VSTM2A: variants seen among roughly 807,000 people sequenced by gnomAD.
The protein encoded by VSTM2A is V-set and transmembrane domain containing 2A.
In VSTM2A, 13 loss-of-function variants were observed where a neutral mutation model predicts 27.3. The ratio of observed to expected loss-of-function variants is 0.48; its 90% CI spans 0.31 to 0.76. The LOEUF (loss-of-function observed/expected upper bound fraction) is 0.76. Among genes scored for constraint, VSTM2A ranks in the 30% least tolerant of loss-of-function variants. The pLI is 0.05. For synonymous variants in VSTM2A, 142 were observed against 125.7 expected, an observed-to-expected ratio of 1.13 and a Z score of -0.87; for missense variants, 280 against 310.0, an observed-to-expected ratio of 0.90 and a Z score of 0.73.
At chr7:54,556,601 A>G (rs1040658266) in intron 4 of VSTM2A, among the ~76,000 whole-genome samples, 9 of 152,256 alleles carry the variant, frequency 5.9e-5, no homozygotes, top group African/African-American at 2.2e-4. Context: ...AATTAATTTA[A>G]TCATTGTAAT....
Position 54,570,003 on chromosome 7 carries a change from A to T in VSTM2A, c.*784A>T, listed in dbSNP as rs530154485. ...AGCATTTGTTTTTCGTTGATAATTC[A>T]TACACTGCGTGAATTTTGTAATTCA... On this transcript the variant is annotated 3_prime_UTR_variant, in exon 5 of 5. Transcript: ENST00000402613. The T allele has an allele frequency of 2.6e-5, 4 of 152,272 alleles. No homozygotes were observed. In the East Asian group the frequency reaches 7.7e-4, roughly 29 times the overall value. 9.4% of individuals were successfully genotyped at this position (152,272 alleles called of 1,614,324 possible).
At chr7:54,561,127 GA>G (rs952125660) in intron 4 of VSTM2A, among the ~76,000 whole-genome samples, 18 of 151,332 alleles carry the variant, frequency 1.2e-4, no homozygotes, top group East Asian at 5.8e-4. Flanking sequence ...CCACTAAATA[GA>G]AAAAAAAAGT....
intron 1 of VSTM2A, among the ~76,000 whole-genome samples, chr7:54,543,302 A>G (rs931115135): frequency 2.0e-5 from 3 of 152,112 alleles, no homozygotes; most frequent in Non-Finnish European, 4.4e-5. Flanking sequence ...AAAAAGCCAC[A>G]ACTTGCATGA....
intron 4 of VSTM2A, among the ~76,000 whole-genome samples, chr7:54,555,701 C>T (rs1313375914): frequency 6.6e-6 from 1 of 152,228 alleles, no homozygotes; most frequent in Non-Finnish European, 1.5e-5. Context: ...CTAACTATAA[C>T]TTCTTGGCTA....
At position 54,549,989 on chromosome 7, in the gene VSTM2A, C is replaced by T. The variant is rs757489848; in HGVS notation, c.453C>T (p.Asn151=). The change falls in exon 4 of 5, where the codon AAC becomes AAT. Residue 151 remains asparagine, a synonymous_variant. Transcript: ENST00000402613. ...KAQAYLKVNA[N]SHARRMQAFE... ...AGGCCTATCTGAAAGTCAATGCCAA[C>T]AGCCATGCCCGCAGAATGCAGGCCT... The T allele has an allele frequency of 3.7e-6, 6 of 1,613,130 alleles. No individual in the cohort carries two copies.
rs1205924782 is a variant in VSTM2A, at chr7:54,550,309, G to A, written c.634+139G>A. 3.4e-6 allele frequency: 5 copies of A among 1,483,226 alleles called. No homozygotes were observed. The African/African-American group carries it at 7.0e-5, about 21-fold the overall frequency. 91.9% of individuals were successfully genotyped at this position (1,483,226 alleles called of 1,614,324 possible). A position where few individuals can be genotyped will look rare whatever the true frequency, so the allele number is the denominator to read the frequency against. On this transcript the variant is annotated intron_variant, in intron 4 of 4. Coordinates refer to ENST00000402613, the MANE Select transcript of VSTM2A (RefSeq NM_001301009.2). Reference sequence around the variant, plus strand: ...AGTTCAGTGCAAGTGATTATGAGAGGTGAGCACCGAGCCTGCACCAATTCA... The same window carrying A: ...AGTTCAGTGCAAGTGATTATGAGAGATGAGCACCGAGCCTGCACCAATTCA...
intron 4 of VSTM2A, among the ~76,000 whole-genome samples, chr7:54,552,776 A>G (rs1033875377): frequency 6.6e-6 from 1 of 152,244 alleles, no homozygotes; most frequent in Non-Finnish European, 1.5e-5. Flanking sequence ...GCCAATAGCT[A>G]TATTGTACTA....
At chr7:54,547,842 A>G (rs1380949612) in intron 3 of VSTM2A, among the ~76,000 whole-genome samples, 8 of 152,184 alleles carry the variant, frequency 5.3e-5, no homozygotes, top group Non-Finnish European at 1.2e-4. Flanking sequence ...AATAGCGTAA[A>G]GTGGTAGAAG....
intron 4 of VSTM2A, among the ~76,000 whole-genome samples, chr7:54,565,579 C>T (rs551390271): frequency 3.3e-5 from 5 of 152,288 alleles, no homozygotes; most frequent in South Asian, 2.1e-4. Context: ...GCAAGAGGCA[C>T]GAGAACAGGA....
At chr7:54,552,250 A>G (rs2115833193) in intron 4 of VSTM2A, 1 of 152,334 alleles carries the variant, frequency 6.6e-6, no homozygotes, top group East Asian at 1.9e-4. Context: ...GAGTAACTTG[A>G]AATATCTGAA....
At chr7:54,557,564 C>T (rs988047653) in intron 4 of VSTM2A, among the ~76,000 whole-genome samples, 5 of 152,016 alleles carry the variant, frequency 3.3e-5, no homozygotes, top group African/African-American at 1.2e-4. Flanking sequence ...AAACTCCTGA[C>T]CTCAAGTGAT....
chr7:54,556,035 T>TA (rs1371088675), intron 4 of VSTM2A, among the ~76,000 whole-genome samples: 2 of 152,210 alleles, frequency 1.3e-5, no homozygotes, highest in East Asian at 1.9e-4. Flanking sequence ...TTTTTCAGGG[T>TA]AAAAAAATTT....
chr7:54,564,412 C>G (rs542072301), intron 4 of VSTM2A, among the ~76,000 whole-genome samples: 2 of 152,248 alleles, frequency 1.3e-5, no homozygotes, highest in South Asian at 4.1e-4. Flanking sequence ...TGCTGCAGAA[C>G]GATGCCCTGA....
At chr7:54,554,058 G>T in intron 4 of VSTM2A, 1 of 1,552,266 alleles carries the variant, frequency 6.4e-7, no homozygotes, top group Non-Finnish European at 8.7e-7. Flanking sequence ...GCAGAGCTGC[G>T]TGCTGGCTCC....
chr7:54,565,861 G>C (rs1372891245), intron 4 of VSTM2A, among the ~76,000 whole-genome samples: 2 of 152,128 alleles, frequency 1.3e-5, no homozygotes, highest in Non-Finnish European at 2.9e-5. Context: ...ATTTCTCCTT[G>C]GCTGGGCTTT....
At chr7:54,550,332 T>A (rs1025956595) in intron 4 of VSTM2A, 162 bp downstream of exon 4, 1 of 1,458,082 alleles carries the variant, frequency 6.9e-7, no homozygotes, top group African/African-American at 1.4e-5. Context: ...CTGCACCAAT[T>A]CACTCAGAGC....
intron 4 of VSTM2A, chr7:54,553,761 A>T: frequency 2.1e-6 from 3 of 1,448,580 alleles, no homozygotes; most frequent in African/African-American, 1.4e-5. Context: ...GGAGTGGTTT[A>T]GGTCCCTCTT....
chr7:54,546,847 C>T, intron 2 of VSTM2A, 100 bp from the exon 3 acceptor site: 2 of 1,515,990 alleles, frequency 1.3e-6, no homozygotes, highest in South Asian at 2.4e-5. Flanking sequence ...CCCCAGGTCA[C>T]CCTGACGGCC....
intron 3 of VSTM2A, among the ~76,000 whole-genome samples, chr7:54,548,075 T>C (rs1788060433): frequency 6.6e-6 from 1 of 152,340 alleles, no homozygotes. Context: ...AAAAGCTTTA[T>C]TGGTAAAATC....
Sources: allele counts gnomAD v4.1 joint callset (sites outside exome capture counted in the v4.1 genomes callset), GRCh38; gene constraint gnomAD v4.1.1; transcripts MANE v1.5; gene names NCBI Gene and HGNC (gene_info 2026-07-23, HGNC 2026-07-21).